Variants in BCL9L observed in about 807,000 individuals in gnomAD.
BCL9L encodes BCL9 like.
Under a neutral mutation model 99.4 loss-of-function variants are expected in BCL9L, and 19 were observed. The observed-to-expected ratio is 0.19, with a 90% CI of 0.13 to 0.28. The LOEUF (loss-of-function observed/expected upper bound fraction) is 0.28. Ranked by LOEUF, BCL9L falls within the 10% of genes least tolerant of loss-of-function variation. The pLI is 1.00. For synonymous variants in BCL9L, 900 were observed against 854.8 expected, an observed-to-expected ratio of 1.05 and a Z score of -0.92; for missense variants, 2,023 against 2,101.6, an observed-to-expected ratio of 0.96 and a Z score of 0.73.
Position 118,902,499 on chromosome 11 carries a change from C to T in BCL9L, c.1244G>A (p.Arg415Gln), listed in dbSNP as rs1940305986. 2.5e-6 allele frequency: 4 copies of T among 1,608,990 alleles called. No homozygotes were observed. The highest frequency in any genetic ancestry group is 2.2e-5 in the East Asian group (1 of 44,870). ...GCGGAGCAGCAGTCGCTCAATGTCT[C>T]GCAGCGTCTGGAGGGACCGTTCCCG... ...EHRERSLQTL[R>Q]DIERLLLRSG... The change falls in exon 8 of 10, where the codon CGA becomes CAA. Residue 415 changes from arginine (R) to glutamine (Q), a missense_variant. Coordinates refer to ENST00000683865, the MANE Select transcript of BCL9L (RefSeq NM_001378213.1). This position sits in a 1 kb window ranked among gnomAD's most constrained non-coding sequence, Gnocchi z 7.8.
rs373289537 is a variant in BCL9L, at chr11:118,909,983, G to C, written c.-44C>G. On this transcript the variant is annotated 5_prime_UTR_variant, in exon 3 of 10. Coordinates refer to ENST00000683865, the MANE Select transcript of BCL9L (RefSeq NM_001378213.1). The stretch of plus-strand genomic sequence containing the variant: ...GGCTACGGCCCCTGTGCGTGCCCAG[G>C]GCCCAGCCAGGTACTCGGTACTGGA... The C allele has an allele frequency of 4.3e-6, 7 of 1,613,520 alleles. No homozygotes were observed. Among genetic ancestry groups the C allele is most frequent in the African/African-American group, 1.3e-5 (1 of 74,890 alleles).
chr11:118,924,606 C>T (rs1244932415), intron 1 of BCL9L, among the ~76,000 whole-genome samples: 21 of 152,188 alleles, frequency 1.4e-4, no homozygotes, highest in Non-Finnish European at 2.9e-4. Context: ...CACTTCTCTT[C>T]CTACATTCTT....
rs1941263650 is a variant in BCL9L, at chr11:118,925,777, C to A, written c.-670G>T. ...CCCAGGCGTGCGGGCGTCCGGCCGG[C>A]TGGCTCCGGGCGGCGGCGGTGGTGC... is the stretch of plus-strand genomic sequence containing the variant. On this transcript the variant is annotated 5_prime_UTR_variant, in exon 1 of 10. Transcript: ENST00000683865. This position sits in a 1 kb window ranked among gnomAD's most constrained non-coding sequence, Gnocchi z 6.4. Among the ~76,000 whole-genome samples, 1 of 150,250 alleles carries A rather than the reference C, an allele frequency of 6.7e-6. No homozygotes were observed. The highest frequency in any genetic ancestry group is 2.1e-4 in the South Asian group (1 of 4,818).
rs756489535 is a variant in BCL9L at position 118,902,912 on chromosome 11, C to A, written c.835-4G>T. ...GGGTGGGGGGCACTTTAGGGGCCTG[C>A]AGAAGGACAAAGAGAGCATGAGACA... is the stretch of plus-strand genomic sequence containing the variant. On this transcript the variant is annotated splice_polypyrimidine_tract_variant and splice_region_variant and intron_variant, in intron 7 of 9. Coordinates refer to ENST00000683865, the MANE Select transcript of BCL9L (RefSeq NM_001378213.1). This position sits in a 1 kb window ranked among gnomAD's most constrained non-coding sequence, Gnocchi z 7.8. 1.9e-6 allele frequency: 3 copies of A among 1,581,274 alleles called. No individual in the cohort carries two copies. Among genetic ancestry groups the A allele is most frequent in the South Asian group, 1.1e-5 (1 of 88,650 alleles).
intron 1 of BCL9L, among the ~76,000 whole-genome samples, chr11:118,920,186 G>A (rs142356876): frequency 6.6e-6 from 1 of 152,238 alleles, no homozygotes; most frequent in African/African-American, 2.4e-5. Context: ...TTCCCATCCT[G>A]AGATCCCAGG....
Position 118,901,012 on chromosome 11 carries a change from C to T in BCL9L, c.2731G>A (p.Gly911Ser), listed in dbSNP as rs2137687824. The T allele has an allele frequency of 2.6e-6, 4 of 1,559,152 alleles. No homozygotes were observed. The highest frequency in any genetic ancestry group is 3.5e-6 in the Non-Finnish European group (4 of 1,151,742). ...ATGGTGAGGTCCGAAGGCCGCCTGC[C>T]TAGCCCCCGGTTTGGGGCTGAATGC... ...TVHSAPNRGL[G>S]RRPSDLTISI... Residue 911 changes from glycine to serine, a missense_variant, in exon 8 of 10, where the codon GGC becomes AGC. Physicochemically the swap from Gly to Ser is moderately conservative, Grantham distance 56. This residue lies in a region of BCL9L where 902 missense variants were observed against 888.2 expected (regional missense o/e 1.02). Transcript: ENST00000683865. The surrounding 1 kb of genome is among the most constrained non-coding windows in gnomAD (Gnocchi z 6.6).
Position 118,922,653 on chromosome 11 carries a change from G to A in BCL9L, c.-131+2585C>T, listed in dbSNP as rs977822503. 6.6e-6 allele frequency among the ~76,000 whole-genome samples: 1 copy of A among 152,034 alleles called. No homozygotes were observed. The highest frequency in any genetic ancestry group is 2.4e-5 in the African/African-American group (1 of 41,388). ...CAGCCTGTACCCGCTTGGCTCCCAC[G>A]GCTGCCCACTTTCCCACGGTGCCAT... On this transcript the variant is annotated intron_variant, in intron 1 of 9. Coordinates refer to ENST00000683865, the MANE Select transcript of BCL9L (RefSeq NM_001378213.1). This position sits in a 1 kb window ranked among gnomAD's most constrained non-coding sequence, Gnocchi z 6.2.
At chr11:118,899,540 C>G in intron 9 of BCL9L, 32 bp from the exon 10 acceptor site, 1 of 1,600,218 alleles carries the variant, frequency 6.2e-7, no homozygotes, top group Non-Finnish European at 8.5e-7. Flanking sequence ...GGGTCAGGCA[C>G]GGTGTGCCCA....
chr11:118,908,339 G>C lies in BCL9L; in HGVS notation c.343C>G (p.Arg115Gly), dbSNP rs753216772. The change falls in exon 4 of 10, where the codon CGG becomes GGG. Residue 115 changes from arginine (R) to glycine (G), a missense_variant. Coordinates refer to ENST00000683865, the MANE Select transcript of BCL9L (RefSeq NM_001378213.1). ...TCTCCAGAGTCCACAGACACACTCC[G>C]GTCCCTCTTCACCTTGCCCTTGAGC... ...SSLKGKVKRD[R>G]SVSVDSGEQR... 1 of 1,610,086 alleles carries C rather than the reference G, an allele frequency of 6.2e-7. No individual in the cohort carries two copies. Among genetic ancestry groups the C allele is most frequent in the Non-Finnish European group, 8.5e-7 (1 of 1,177,590 alleles).
intron 5 of BCL9L, among the ~76,000 whole-genome samples, chr11:118,906,694 T>G (rs1330678724): frequency 6.6e-6 from 1 of 152,248 alleles, no homozygotes; most frequent in African/African-American, 2.4e-5. Flanking sequence ...TTTCTCTCTC[T>G]CTCTCTTTTT....
chr11:118,911,973 C>G (rs1377686131), intron 2 of BCL9L, among the ~76,000 whole-genome samples: 2 of 152,254 alleles, frequency 1.3e-5, no homozygotes, highest in East Asian at 3.8e-4. Context: ...CCGTTCAGGC[C>G]TAGGCTCCTC....
chr11:118,916,615 CTGA>C (rs1212933447), intron 2 of BCL9L, among the ~76,000 whole-genome samples: 4 of 152,350 alleles, frequency 2.6e-5, no homozygotes, highest in African/African-American at 7.2e-5. Context: ...GCTGTAGATG[CTGA>C]TATTACCCCA....
rs1217742141 is a variant in BCL9L, at chr11:118,914,210, G to A, written c.-76-4195C>T. 6.6e-6 allele frequency among the ~76,000 whole-genome samples: 1 copy of A among 152,156 alleles called. No individual in the cohort carries two copies. Among genetic ancestry groups the A allele is most frequent in the Non-Finnish European group, 1.5e-5 (1 of 68,018 alleles). The stretch of plus-strand genomic sequence containing the variant: ...GGCAGCTCCCTGTGGGCCCTCACCT[G>A]GCCTCAGTCCTCCAAGGGGTTAATC... On this transcript the variant is annotated intron_variant, in intron 2 of 9. Coordinates refer to ENST00000683865, the MANE Select transcript of BCL9L (RefSeq NM_001378213.1). The surrounding 1 kb of genome is among the most constrained non-coding windows in gnomAD (Gnocchi z 4.4).
At position 118,897,623 on chromosome 11, in the gene BCL9L, G is replaced by A. The variant is rs1050368308; in HGVS notation, c.*792C>T. 4.1e-5 allele frequency: 15 copies of A among 364,836 alleles called. No homozygotes were observed. The highest frequency in any genetic ancestry group is 2.2e-4 in the Admixed American group (6 of 27,456). The allele number at this position is 364,836 out of a possible 1,614,324, so 22.6% of individuals were successfully genotyped here. On this transcript the variant is annotated 3_prime_UTR_variant, in exon 10 of 10. Transcript: ENST00000683865. ...TTACGTCATCTTACCATTTGGGGAC[G>A]AGACAGGAATGGTATCCCTTAGGGA...
chr11:118,899,232 A>T lies in BCL9L; in HGVS notation c.3683T>A (p.Phe1228Tyr), dbSNP rs972838632. The change falls in exon 10 of 10, where the codon TTC (phenylalanine) becomes TAC (tyrosine). Residue 1228 changes from phenylalanine (F) to tyrosine (Y), a missense_variant. Around this residue, in one of 3 missense-constraint regions of BCL9L, gnomAD observed 902 missense variants for 888.2 expected, o/e 1.02. Transcript: ENST00000683865. Reference sequence around the variant, plus strand: ...ATGGGGCTGCTGCAGCCGAGGGGGGAAGGGCATCATCTGGGAGGAGCTGGG... The same window carrying T: ...ATGGGGCTGCTGCAGCCGAGGGGGGTAGGGCATCATCTGGGAGGAGCTGGG... The part of the protein sequence containing the change: ...PVPSSSQMMP[F>Y]PPRLQQPHGA... 6.6e-6 allele frequency: 10 copies of T among 1,511,226 alleles called. No individual in the cohort carries two copies. Among genetic ancestry groups the T allele is most frequent in the Non-Finnish European group, 7.1e-6 (8 of 1,131,168 alleles). 93.6% of individuals were successfully genotyped at this position (1,511,226 alleles called of 1,614,324 possible).
At chr11:118,905,967 G>C (rs148297891) in intron 5 of BCL9L, among the ~76,000 whole-genome samples, 22 of 152,262 alleles carry the variant, frequency 1.4e-4, no homozygotes, top group Admixed American at 5.9e-4. Context: ...CCAGCACTTT[G>C]GGAGGCCAAG....
At chr11:118,918,331 GGGGACCA>G (rs1442548366) in intron 2 of BCL9L, among the ~76,000 whole-genome samples, 2 of 152,276 alleles carry the variant, frequency 1.3e-5, no homozygotes, top group East Asian at 3.9e-4. Flanking sequence ...GTGTACGCTA[GGGGACCA>G]GGGGCCAGGG....
rs60854479 is a variant in BCL9L, at chr11:118,925,617, C to CT, written c.-511dup. ...GCTTGCTTGCTTCCTTCCTTCCTTC[C>CT]TCGCCTCTCCTTTCCTTTCCCCAAA... On this transcript the variant is annotated 5_prime_UTR_variant, in exon 1 of 10. Transcript: ENST00000683865. This position sits in a 1 kb window ranked among gnomAD's most constrained non-coding sequence, Gnocchi z 6.4. 151,235 of 151,480 alleles carry CT rather than the reference C, an allele frequency of 1. 75,495 individuals are homozygous for CT. The highest frequency in any genetic ancestry group is 1 in the Middle Eastern group (294 of 294). The allele number at this position is 151,480 out of a possible 1,614,324, so 9.4% of individuals were successfully genotyped here. A position where few individuals can be genotyped will look rare whatever the true frequency, so the allele number is the denominator to read the frequency against.
At position 118,902,072 on chromosome 11, in the gene BCL9L, C is replaced by T. The variant is rs538946158; in HGVS notation, c.1671G>A (p.Val557=). 6.2e-7 allele frequency: 1 copy of T among 1,614,010 alleles called. No homozygotes were observed. The highest frequency in any genetic ancestry group is 1.1e-5 in the South Asian group (1 of 91,080). The part of the protein sequence containing the change: ...QDMMGMGGMM[V]RGPPPPYHSK... ...TGTGGTAAGGAGGCGGGGGCCCCCT[C>T]ACCATCATGCCCCCCATGCCCATCA... Residue 557 remains valine, a synonymous_variant, in exon 8 of 10, where the codon GTG becomes GTA. Coordinates refer to ENST00000683865, the MANE Select transcript of BCL9L (RefSeq NM_001378213.1). This position sits in a 1 kb window ranked among gnomAD's most constrained non-coding sequence, Gnocchi z 7.8.
Sources: gnomAD v4.1 joint callset for allele counts (sites outside exome capture counted in the v4.1 genomes callset) on GRCh38, gnomAD v4.1.1 for gene constraint, gnomAD v4.1.1 regional missense constraint, Gnocchi (gnomAD v3.1) non-coding constraint, MANE v1.5 for transcripts, NCBI Gene and HGNC (gene_info 2026-07-23, HGNC 2026-07-21) for gene names.